The following CCDC170 variants were observed in gnomAD, a reference collection of about 807,000 sequenced individuals.
CCDC170 encodes coiled-coil domain-containing protein 170.
In CCDC170, 69 loss-of-function variants were observed where a neutral mutation model predicts 72.6. The ratio of observed to expected loss-of-function variants is 0.95; its 90% confidence interval spans 0.78 to 1.16. The LOEUF (loss-of-function observed/expected upper bound fraction) is 1.16. Among genes scored for constraint, CCDC170 ranks in the 50% most tolerant of loss-of-function variants. The pLI is 0.00. For missense variants in CCDC170, 852 were observed against 832.5 expected, an observed-to-expected ratio of 1.02 and a Z score of -0.29; for synonymous variants, 300 against 303.9, an observed-to-expected ratio of 0.99 and a Z score of 0.13.
intron 1 of CCDC170, among the ~76,000 whole-genome samples, chr6:151,496,061 T>C (rs1781907361): frequency 6.6e-6 from 1 of 152,190 alleles, no homozygotes; most frequent in Non-Finnish European, 1.5e-5. Flanking sequence ...TTTTTTTTGT[T>C]TGTTTTTTTG....
At chr6:151,604,948 T>C (rs74766536) in intron 9 of CCDC170, among the ~76,000 whole-genome samples, 92 of 152,330 alleles carry the variant, frequency 6.0e-4, no homozygotes, top group African/African-American at 2.2e-3. Context: ...AATAAATTGT[T>C]GTTAACTAGA....
At chr6:151,498,553 A>C (rs1233482336) in intron 1 of CCDC170, among the ~76,000 whole-genome samples, 2 of 152,240 alleles carry the variant, frequency 1.3e-5, no homozygotes, top group Non-Finnish European at 2.9e-5. Flanking sequence ...TCATTAAGCA[A>C]TAACTTCACA....
intron 4 of CCDC170, among the ~76,000 whole-genome samples, chr6:151,546,997 G>GAGA (rs111570815): frequency 1.3e-5 from 2 of 148,628 alleles, no homozygotes; most frequent in Non-Finnish European, 3.0e-5. Flanking sequence ...GTCTTAAGAA[G>GAGA]AAAAAAAAAA....
At chr6:151,557,751 T>G (rs1359250021) in intron 5 of CCDC170, among the ~76,000 whole-genome samples, 1 of 152,242 alleles carries the variant, frequency 6.6e-6, no homozygotes, top group African/African-American at 2.4e-5. Flanking sequence ...CCATTCTAAC[T>G]GGGGTTAGAT....
intron 5 of CCDC170, among the ~76,000 whole-genome samples, chr6:151,565,346 C>A (rs911296172): frequency 6.6e-6 from 1 of 152,136 alleles, no homozygotes; most frequent in Non-Finnish European, 1.5e-5. Context: ...GCAGACAGCT[C>A]CCTATGTTGG....
In CCDC170 at chr6:151,573,304, C is replaced by A; in HGVS notation, c.905C>A (p.Ser302Tyr). Residue 302 changes from serine (S) to tyrosine (Y), a missense_variant, in exon 6 of 11, where the codon TCT becomes TAT. Transcript: ENST00000239374. The part of the protein sequence containing the change: ...KQEVSLLKKS[S>Y]SELEKSLKAS... ...GAAGTGAGCCTCCTGAAGAAAAGCT[C>A]TTCTGAGTTGGAGAAGAGTTTGAAG... 3.1e-6 allele frequency: 5 copies of A among 1,614,186 alleles called. No individual in the cohort carries two copies. Among genetic ancestry groups the A allele is most frequent in the Non-Finnish European group, 4.2e-6 (5 of 1,180,022 alleles).
intron 1 of CCDC170, among the ~76,000 whole-genome samples, chr6:151,513,919 C>CAAAAA (rs58387477): frequency 3.9e-5 from 2 of 51,182 alleles, no homozygotes; most frequent in African/African-American, 6.7e-5. Flanking sequence ...GACCCTGTCT[C>CAAAAA]AAAAAAAAAA....
At position 151,536,384 on chromosome 6, in the gene CCDC170, G is replaced by A; in HGVS notation, c.124G>A (p.Ala42Thr). 1 of 1,614,134 alleles carries A rather than the reference G, an allele frequency of 6.2e-7. No individual in the cohort carries two copies. The highest frequency in any genetic ancestry group is 8.5e-7 in the Non-Finnish European group (1 of 1,180,018). The change falls in exon 2 of 11, where the codon GCT becomes ACT. Residue 42 changes from alanine to threonine, a missense_variant. Physicochemically the swap from Ala to Thr is moderately conservative, Grantham distance 58. Coordinates refer to ENST00000239374, the MANE Select transcript of CCDC170 (RefSeq NM_025059.4). Reference protein sequence around the residue: ...REQLNHYRNVAQNARSELAAT... With the variant: ...REQLNHYRNVTQNARSELAAT... ...GCAGTTAAACCACTATCGGAATGTG[G>A]CTCAAAATGCTCGAAGTGAACTTGC... is the stretch of plus-strand genomic sequence containing the variant.
At chr6:151,521,284 A>G (rs1332780651) in intron 1 of CCDC170, among the ~76,000 whole-genome samples, 2 of 152,186 alleles carry the variant, frequency 1.3e-5, no homozygotes, top group African/African-American at 4.8e-5. Context: ...GCCTGTCCCA[A>G]AAAGAGTGTT....
intron 1 of CCDC170, among the ~76,000 whole-genome samples, chr6:151,502,798 T>G (rs1782010804): frequency 6.6e-6 from 1 of 152,176 alleles, no homozygotes; most frequent in African/African-American, 2.4e-5. Context: ...GATAAAGAAC[T>G]TTTTTCCTTG....
At chr6:151,611,190 G>T (rs1469312773) in intron 9 of CCDC170, among the ~76,000 whole-genome samples, 1 of 152,110 alleles carries the variant, frequency 6.6e-6, no homozygotes, top group Admixed American at 6.5e-5. Context: ...CAGGGGAATC[G>T]CTTGAACCCG....
At chr6:151,509,853 G>A (rs1395188249) in intron 1 of CCDC170, among the ~76,000 whole-genome samples, 1 of 152,106 alleles carries the variant, frequency 6.6e-6, no homozygotes, top group African/African-American at 2.4e-5. Context: ...GGCCAGGCGT[G>A]GTGGCTCACG....
At chr6:151,505,734 T>C (rs950056810) in intron 1 of CCDC170, among the ~76,000 whole-genome samples, 3 of 152,148 alleles carry the variant, frequency 2.0e-5, no homozygotes, top group Non-Finnish European at 4.4e-5. Context: ...GGCTTTGCTA[T>C]TGATATGCAA....
chr6:151,616,100 G>A (rs1392543234), intron 10 of CCDC170, among the ~76,000 whole-genome samples: 2 of 152,220 alleles, frequency 1.3e-5, no homozygotes, highest in Non-Finnish European at 2.9e-5. Context: ...CTGGTTCTGG[G>A]GAGGTTTTTG....
chr6:151,578,946 C>A (rs563437165), intron 6 of CCDC170, among the ~76,000 whole-genome samples: 8 of 152,050 alleles, frequency 5.3e-5, no homozygotes, highest in African/African-American at 1.9e-4. Flanking sequence ...ATAGTTGTCC[C>A]TGGGGAGTGA....
intron 9 of CCDC170, among the ~76,000 whole-genome samples, chr6:151,606,101 C>A (rs112577474): frequency 2.6e-5 from 4 of 152,218 alleles, no homozygotes; most frequent in African/African-American, 9.6e-5. Context: ...GGGGTTTCAG[C>A]ATTTTGGCCA....
intron 1 of CCDC170, among the ~76,000 whole-genome samples, chr6:151,502,776 T>C (rs1685641522): frequency 6.6e-6 from 1 of 152,228 alleles, no homozygotes; most frequent in African/African-American, 2.4e-5. Flanking sequence ...AGGCACTCTG[T>C]TAGGCACTGA....
intron 5 of CCDC170, among the ~76,000 whole-genome samples, chr6:151,564,046 T>C (rs77149354): frequency 0.018 from 2,804 of 152,326 alleles, 92 homozygotes; most frequent in African/African-American, 0.064. Context: ...AGTCCTATTG[T>C]GCTCCTTTGG....
At chr6:151,611,164 A>G (rs1437023057) in intron 9 of CCDC170, among the ~76,000 whole-genome samples, 3 of 151,894 alleles carry the variant, frequency 2.0e-5, no homozygotes, top group Admixed American at 2.0e-4. Context: ...CAGTCCAGCT[A>G]CTCTGGAGGC....
Sources: allele counts gnomAD v4.1 joint callset (sites outside exome capture counted in the v4.1 genomes callset), GRCh38; gene constraint gnomAD v4.1.1; transcripts MANE v1.5; gene names NCBI Gene and HGNC (gene_info 2026-07-23, HGNC 2026-07-21).